The following CHRM3 variants were observed in gnomAD, a reference collection of about 807,000 sequenced individuals.
CHRM3 encodes the protein cholinergic receptor muscarinic 3, also known as muscarinic acetylcholine receptor M3.
Under a neutral mutation model 41.8 loss-of-function variants are expected in CHRM3, and 11 were observed. The observed-to-expected ratio is 0.26, with a 90% confidence interval of 0.17 to 0.44. The LOEUF (loss-of-function observed/expected upper bound fraction) is 0.44, where lower values mean the gene tolerates loss of function less well. Ranked by LOEUF, CHRM3 falls within the 20% of genes least tolerant of loss-of-function variation. The pLI is 1.00. For missense variants in CHRM3, 571 were observed against 745.4 expected (o/e 0.77, Z 2.72); for synonymous variants, 297 against 301.4 (o/e 0.99, Z 0.15).
chr1:239,614,682 T>C (rs1667440577), intron 3 of CHRM3, among the ~76,000 whole-genome samples: 1 of 152,200 alleles, frequency 6.6e-6, no homozygotes, highest in Non-Finnish European at 1.5e-5. Context: ...CTCCATTCTT[T>C]CCTTGGAACT....
chr1:239,428,584 C>T (rs1197087272), intron 1 of CHRM3, among the ~76,000 whole-genome samples: 1 of 152,148 alleles, frequency 6.6e-6, no homozygotes, highest in Non-Finnish European at 1.5e-5. Context: ...TTAAAAGATG[C>T]AGTAACATTT....
At chr1:239,631,318 C>G (rs1276423041) in intron 3 of CHRM3, among the ~76,000 whole-genome samples, 2 of 152,188 alleles carry the variant, frequency 1.3e-5, no homozygotes, top group Admixed American at 1.3e-4. Flanking sequence ...TCCTCTCTCA[C>G]TTGCTGAGAA....
chr1:239,791,790 C>T (rs886904513), intron 5 of CHRM3, among the ~76,000 whole-genome samples: 88 of 152,240 alleles, frequency 5.8e-4, no homozygotes, highest in African/African-American at 2.0e-3. Flanking sequence ...AGATCCTCAA[C>T]GAGTTGTATA....
At chr1:239,610,349 A>G (rs1666880012) in intron 3 of CHRM3, among the ~76,000 whole-genome samples, 1 of 152,196 alleles carries the variant, frequency 6.6e-6, no homozygotes, top group Non-Finnish European at 1.5e-5. Flanking sequence ...ATTACTATTC[A>G]TGCTTCATGA....
chr1:239,866,853 G>A (rs1372458372), intron 6 of CHRM3, among the ~76,000 whole-genome samples: 2 of 152,124 alleles, frequency 1.3e-5, no homozygotes, highest in South Asian at 2.1e-4. Context: ...ACTCTGACTT[G>A]GGATGTTGCA....
intron 1 of CHRM3, among the ~76,000 whole-genome samples, chr1:239,440,414 G>A (rs1266559430): frequency 6.6e-6 from 1 of 152,116 alleles, no homozygotes; most frequent in Admixed American, 6.5e-5. Context: ...CCTGAGCCCA[G>A]GAGTTCAAGA....
intron 4 of CHRM3, among the ~76,000 whole-genome samples, chr1:239,635,532 C>CT (rs1558403096): frequency 1.3e-5 from 2 of 152,166 alleles, no homozygotes; most frequent in African/African-American, 4.8e-5. Context: ...CTGCCAAGAC[C>CT]TCTCCTAACC....
chr1:239,623,496 T>A (rs202011874), intron 3 of CHRM3, among the ~76,000 whole-genome samples: 8,037 of 109,826 alleles, frequency 0.073, 293 homozygotes, highest in East Asian at 0.11. Context: ...TTTTTTTTTT[T>A]AATTTTTTTT....
chr1:239,796,581 C>T (rs999049489), intron 5 of CHRM3, among the ~76,000 whole-genome samples: 3 of 151,840 alleles, frequency 2.0e-5, no homozygotes, highest in Admixed American at 6.6e-5. Flanking sequence ...ATACTTAATG[C>T]ACATGGCCGT....
At chr1:239,618,736 T>C (rs80036011) in intron 3 of CHRM3, among the ~76,000 whole-genome samples, 31,834 of 146,048 alleles carry the variant, frequency 0.22, 4,479 homozygotes, top group East Asian at 0.51. Context: ...CCCAGCTACT[T>C]GGGAGGCTGA....
At chr1:239,425,980 C>A (rs1451567118) in intron 1 of CHRM3, among the ~76,000 whole-genome samples, 1 of 151,954 alleles carries the variant, frequency 6.6e-6, no homozygotes, top group Non-Finnish European at 1.5e-5. Flanking sequence ...TCCAGTAAGG[C>A]TATTTTTTTA....
intron 2 of CHRM3, among the ~76,000 whole-genome samples, chr1:239,493,468 T>C (rs542795028): frequency 8.5e-5 from 13 of 152,310 alleles, no homozygotes; most frequent in Middle Eastern, 3.4e-3. Context: ...CTAAATTAAT[T>C]GTGGGAAGAT....
chr1:239,503,799 A>G (rs956299300), intron 2 of CHRM3, among the ~76,000 whole-genome samples: 1 of 152,184 alleles, frequency 6.6e-6, no homozygotes, highest in African/African-American at 2.4e-5. Flanking sequence ...AAAGCAAACA[A>G]AAACTTAAAT....
In CHRM3 at chr1:239,785,119, C is replaced by T. The variant is rs115245344; in HGVS notation, c.-146-42133C>T. Reference sequence around the variant, plus strand: ...AGCTTTGCAACCTCTCAGCAAGGCTCGCAGCTCCTTCTGCACGATTTGAGG... The same window carrying T: ...AGCTTTGCAACCTCTCAGCAAGGCTTGCAGCTCCTTCTGCACGATTTGAGG... On this transcript the variant is annotated intron_variant, in intron 5 of 6. Coordinates refer to ENST00000676153, the MANE Select transcript of CHRM3 (RefSeq NM_001375978.1). Among the ~76,000 whole-genome samples the T allele has an allele frequency of 8.1e-3, 1,237 of 152,230 alleles. 13 individuals are homozygous for T. Among genetic ancestry groups the T allele is most frequent in the African/African-American group, 0.028 (1,160 of 41,544 alleles).
At chr1:239,718,641 A>T (rs187485111) in intron 5 of CHRM3, among the ~76,000 whole-genome samples, 4 of 152,064 alleles carry the variant, frequency 2.6e-5, no homozygotes, top group Admixed American at 2.6e-4. Context: ...CATAGTTCTA[A>T]GGAGTGTCAT....
At chr1:239,679,033 A>C (rs1315777113) in intron 5 of CHRM3, among the ~76,000 whole-genome samples, 2 of 151,592 alleles carry the variant, frequency 1.3e-5, no homozygotes, top group African/African-American at 2.4e-5. Context: ...AGATGGATAG[A>C]TAGATAGATA....
At position 239,685,962 on chromosome 1, in the gene CHRM3, C is replaced by T. The variant is rs965950175; in HGVS notation, c.-147+7674C>T. 2.6e-5 allele frequency among the ~76,000 whole-genome samples: 3 copies of T among 114,844 alleles called. No homozygotes were observed. The Admixed American group carries it at 2.9e-4, about 11-fold the overall frequency. The allele number at this position is 114,844 out of a possible 152,430, so 75.3% of individuals were successfully genotyped here. ...GATGGGCAACAGAGCAAGACTCCAT[C>T]TCAAAACAAACAAAGACAAAAACAA... On this transcript the variant is annotated intron_variant, in intron 5 of 6. Transcript: ENST00000676153.
intron 5 of CHRM3, among the ~76,000 whole-genome samples, chr1:239,756,227 G>A (rs528802097): frequency 2.6e-5 from 4 of 152,184 alleles, no homozygotes; most frequent in African/African-American, 9.6e-5. Flanking sequence ...TCACTATAAC[G>A]TACAGAGTCA....
intron 3 of CHRM3, among the ~76,000 whole-genome samples, chr1:239,610,379 T>C (rs1666882429): frequency 6.6e-6 from 1 of 152,166 alleles, no homozygotes; most frequent in South Asian, 2.1e-4. Flanking sequence ...CTAGAATTTA[T>C]GCATCTTATT....
Sources: allele counts gnomAD v4.1 joint callset (sites outside exome capture counted in the v4.1 genomes callset), GRCh38; gene constraint gnomAD v4.1.1; transcripts MANE v1.5; gene names NCBI Gene and HGNC (gene_info 2026-07-23, HGNC 2026-07-21).